Variants in SP100 observed in about 807,000 individuals in gnomAD.
The protein encoded by SP100 is SP100 nuclear body protein, also known as nuclear autoantigen Sp-100.
A neutral mutation model predicts 130.0 loss-of-function variants in SP100; 84 were observed. That is an observed-to-expected ratio of 0.65 (90% CI 0.54 to 0.77). The LOEUF (loss-of-function observed/expected upper bound fraction) is 0.77. Among genes scored for constraint, SP100 ranks in the 30% least tolerant of loss-of-function variants. The pLI is 0.00. For synonymous variants in SP100, 331 were observed against 351.7 expected (o/e 0.94, Z 0.66); for missense variants, 978 against 1,052.2 (o/e 0.93, Z 0.97).
intron 24 of SP100, among the ~76,000 whole-genome samples, chr2:230,518,218 A>G (rs1048747207): frequency 2.0e-5 from 3 of 151,882 alleles, no homozygotes; most frequent in South Asian, 2.1e-4. Flanking sequence ...TCCTTTCTTT[A>G]TTGCTCCTTA....
chr2:230,448,835 C>G (rs2063831221), intron 5 of SP100, among the ~76,000 whole-genome samples: 1 of 152,170 alleles, frequency 6.6e-6, no homozygotes, highest in Admixed American at 6.5e-5. Flanking sequence ...GAGTGTCTCA[C>G]AGAGGACACG....
chr2:230,427,328 A>G (rs913500132), intron 2 of SP100, among the ~76,000 whole-genome samples: 4 of 151,852 alleles, frequency 2.6e-5, no homozygotes, highest in Non-Finnish European at 5.9e-5. Flanking sequence ...CACCCGGCTA[A>G]TTTTTATATT....
intron 2 of SP100, among the ~76,000 whole-genome samples, chr2:230,438,117 A>AT (rs765802538): frequency 7.3e-5 from 11 of 151,542 alleles, no homozygotes; most frequent in Non-Finnish European, 1.0e-4. Flanking sequence ...TTTTTGTGTC[A>AT]TTTTTTCTTA....
chr2:230,423,307 TTATA>T (rs1343470944), intron 2 of SP100, among the ~76,000 whole-genome samples: 1 of 152,186 alleles, frequency 6.6e-6, no homozygotes, highest in Non-Finnish European at 1.5e-5. Flanking sequence ...TAGAAATTTC[TTATA>T]TAAAGTTTTA....
At chr2:230,467,267 C>G in intron 13 of SP100, 52 bp downstream of exon 13, 1 of 1,251,756 alleles carries the variant, frequency 8.0e-7, no homozygotes, top group Non-Finnish European at 1.2e-6. Context: ...CACCTCTTCC[C>G]TGATGCACTG....
chr2:230,503,201 G>A, intron 20 of SP100, 91 bp downstream of exon 20: 2 of 902,872 alleles, frequency 2.2e-6, no homozygotes, highest in South Asian at 1.7e-5. Context: ...TTCTTAATTG[G>A]CATATGGAGC....
At chr2:230,479,193 C>A (rs189416366) in intron 17 of SP100, among the ~76,000 whole-genome samples, 1 of 152,280 alleles carries the variant, frequency 6.6e-6, no homozygotes, top group East Asian at 1.9e-4. Flanking sequence ...GATCCCATAT[C>A]ATTTTATTTT....
intron 4 of SP100, among the ~76,000 whole-genome samples, 162 bp downstream of exon 4, chr2:230,444,508 G>C (rs532966946): frequency 6.6e-6 from 1 of 152,250 alleles, no homozygotes; most frequent in African/African-American, 2.4e-5. Flanking sequence ...ATGGCGTATG[G>C]CTATGGTAAA....
intron 8 of SP100, among the ~76,000 whole-genome samples, chr2:230,454,837 T>C (rs564884784): frequency 6.6e-6 from 1 of 152,314 alleles, no homozygotes; most frequent in African/African-American, 2.4e-5. Flanking sequence ...TGTGTTCTTA[T>C]TGATTTTCTC....
chr2:230,446,523 T>G (rs1361538300), intron 4 of SP100, among the ~76,000 whole-genome samples: 1 of 152,236 alleles, frequency 6.6e-6, no homozygotes, highest in African/African-American at 2.4e-5. Context: ...TTCCTTACAC[T>G]TGATATATGC....
chr2:230,451,699 C>CA (rs1231641799), intron 8 of SP100, among the ~76,000 whole-genome samples: 1 of 152,160 alleles, frequency 6.6e-6, no homozygotes, highest in African/African-American at 2.4e-5. Flanking sequence ...GTGTTATACC[C>CA]AAAAAATATT....
chr2:230,436,074 T>C (rs1002165213), intron 2 of SP100, among the ~76,000 whole-genome samples: 22 of 152,194 alleles, frequency 1.4e-4, no homozygotes, highest in African/African-American at 4.8e-4. Context: ...TTCAGAATAA[T>C]GGATGTTTTA....
At chr2:230,522,657 T>G (rs1175202733) in intron 24 of SP100, among the ~76,000 whole-genome samples, 1 of 150,076 alleles carries the variant, frequency 6.7e-6, no homozygotes, top group African/African-American at 2.5e-5. Context: ...CCCAGCTAAT[T>G]TTTTGTATTT....
At chr2:230,537,800 C>T (rs553452813) in intron 24 of SP100, 1 of 152,310 alleles carries the variant, frequency 6.6e-6, no homozygotes, top group Non-Finnish European at 1.5e-5. Flanking sequence ...TTTTCTAGCA[C>T]AAGAAAAGTT....
intron 21 of SP100, among the ~76,000 whole-genome samples, chr2:230,504,961 TA>T (rs977273683): frequency 3.3e-5 from 5 of 152,140 alleles, no homozygotes; most frequent in African/African-American, 9.7e-5. Context: ...TAACCATAAA[TA>T]AGAGGGATTT....
chr2:230,543,131 T>C lies in SP100; in HGVS notation c.*185T>C. 2 of 439,784 alleles carry C rather than the reference T, an allele frequency of 4.5e-6. No individual in the cohort carries two copies. Among genetic ancestry groups the C allele is most frequent in the South Asian group, 3.2e-5 (1 of 31,548 alleles). 27.2% of individuals were successfully genotyped at this position (439,784 alleles called of 1,614,324 possible). ...CAACACCCCTTCATGTTAAAAATTC[T>C]CAATAAGCTAGGTATTGAGGAACAT... On this transcript the variant is annotated 3_prime_UTR_variant, in exon 29 of 29. Coordinates refer to ENST00000340126, the MANE Select transcript of SP100 (RefSeq NM_001080391.2).
chr2:230,488,382 G>A (rs575551400), intron 17 of SP100, among the ~76,000 whole-genome samples: 7 of 152,020 alleles, frequency 4.6e-5, no homozygotes, highest in African/African-American at 1.7e-4. Context: ...TTTATTGAGA[G>A]TTTTTTTTGT....
intron 21 of SP100, 117 bp downstream of exon 21, chr2:230,504,407 A>C (rs1165333212): frequency 3.4e-6 from 2 of 593,062 alleles, no homozygotes; most frequent in African/African-American, 3.7e-5. Context: ...AGGCTTGAAG[A>C]TTTGCTAGGA....
At chr2:230,501,212 CAGCCTGAGCAACAGAGCAAGAGGGCA>C (rs1289839133) in intron 19 of SP100, among the ~76,000 whole-genome samples, 1 of 152,022 alleles carries the variant, frequency 6.6e-6, no homozygotes, top group African/African-American at 2.4e-5. Context: ...CACTGCACTC[CAGCCTGAGCAACAGAGCAAGAGGGCA>C]AGACTCGGTC....
Sources: gnomAD v4.1 joint callset for allele counts (sites outside exome capture counted in the v4.1 genomes callset) on GRCh38, gnomAD v4.1.1 for gene constraint, MANE v1.5 for transcripts, NCBI Gene and HGNC (gene_info 2026-07-23, HGNC 2026-07-21) for gene names.